The following SCFD2 variants were observed in gnomAD, a reference collection of about 807,000 sequenced individuals.
SCFD2 encodes sec1 family domain-containing protein 2.
In SCFD2, 54 loss-of-function variants were observed where a neutral mutation model predicts 58.9. The ratio of observed to expected loss-of-function variants is 0.92; its 90% CI spans 0.74 to 1.15. The LOEUF (loss-of-function observed/expected upper bound fraction) is 1.15. Among genes scored for constraint, SCFD2 ranks in the 50% most tolerant of loss-of-function variants. The pLI, the probability that SCFD2 is intolerant of heterozygous loss-of-function variation, is 0.00. For missense variants in SCFD2, 805 were observed against 836.6 expected, an observed-to-expected ratio of 0.96 and a Z score of 0.47; for synonymous variants, 321 against 335.9, an observed-to-expected ratio of 0.96 and a Z score of 0.49.
chr4:53,299,860 G>A (rs1414885461), intron 3 of SCFD2, among the ~76,000 whole-genome samples: 2 of 152,114 alleles, frequency 1.3e-5, no homozygotes, highest in East Asian at 1.9e-4. Flanking sequence ...CTTCATAAGT[G>A]AACGAGAAAT....
chr4:52,935,579 A>G (rs1720115888), intron 5 of SCFD2, among the ~76,000 whole-genome samples: 1 of 152,208 alleles, frequency 6.6e-6, no homozygotes, highest in Admixed American at 6.5e-5. Context: ...CCCCTACGGT[A>G]TGTAAACCCT....
At chr4:53,237,477 C>T (rs1315380321) in intron 4 of SCFD2, among the ~76,000 whole-genome samples, 1 of 69,880 alleles carries the variant, frequency 1.4e-5, no homozygotes, top group Non-Finnish European at 2.7e-5. Flanking sequence ...GGGGCTGACC[C>T]CCCCACCTCC....
intron 3 of SCFD2, among the ~76,000 whole-genome samples, chr4:53,298,873 C>A (rs1374275895): frequency 1.3e-5 from 2 of 152,196 alleles, no homozygotes; most frequent in African/African-American, 2.4e-5. Context: ...CACAGACCTG[C>A]AGCTGAGGGT....
At chr4:53,305,967 G>C (rs561285692) in intron 3 of SCFD2, among the ~76,000 whole-genome samples, 1 of 152,102 alleles carries the variant, frequency 6.6e-6, no homozygotes, top group African/African-American at 2.4e-5. Context: ...TATTAATTCC[G>C]TAAACATTTC....
At chr4:53,252,600 T>C (rs1730433246) in intron 4 of SCFD2, among the ~76,000 whole-genome samples, 1 of 151,682 alleles carries the variant, frequency 6.6e-6, no homozygotes. Flanking sequence ...AACTGTCTGA[T>C]CTTTGACAAT....
intron 5 of SCFD2, among the ~76,000 whole-genome samples, chr4:53,141,833 G>T (rs1726175196): frequency 6.6e-6 from 1 of 152,070 alleles, no homozygotes; most frequent in South Asian, 2.1e-4. Context: ...GGCAGCAAAA[G>T]AAAAGTCTGT....
At chr4:53,326,112 C>T (rs1733187847) in intron 2 of SCFD2, among the ~76,000 whole-genome samples, 1 of 151,906 alleles carries the variant, frequency 6.6e-6, no homozygotes, top group African/African-American at 2.4e-5. Context: ...ATTTCAACAC[C>T]AATTCATTAT....
intron 5 of SCFD2, among the ~76,000 whole-genome samples, chr4:52,996,424 T>C (rs1721742913): frequency 6.6e-6 from 1 of 152,250 alleles, no homozygotes; most frequent in Non-Finnish European, 1.5e-5. Flanking sequence ...TTGGTGTTAT[T>C]TTCCCTTTTT....
At chr4:53,028,728 T>G (rs900123750) in intron 5 of SCFD2, among the ~76,000 whole-genome samples, 5 of 152,126 alleles carry the variant, frequency 3.3e-5, no homozygotes, top group Non-Finnish European at 7.4e-5. Context: ...TTTTCCCTGG[T>G]CAAGTATTTT....
In SCFD2 at chr4:53,366,036, C is replaced by A. The variant is rs763648752; in HGVS notation, c.-95G>T. On this transcript the variant is annotated 5_prime_UTR_variant, in exon 1 of 9. Coordinates refer to ENST00000401642, the MANE Select transcript of SCFD2 (RefSeq NM_152540.4). ...TTGGGCTCCGGGAGACTTTGACAGT[C>A]TCCACAGTACACGTGGTCGGCCTCT... 96 of 1,411,044 alleles carry A rather than the reference C, an allele frequency of 6.8e-5. No homozygotes were observed. The highest frequency in any genetic ancestry group is 8.9e-5 in the Non-Finnish European group (94 of 1,054,106). 87.4% of individuals were successfully genotyped at this position (1,411,044 alleles called of 1,614,324 possible).
intron 5 of SCFD2, among the ~76,000 whole-genome samples, chr4:52,995,002 T>G (rs1721710171): frequency 6.6e-6 from 1 of 152,162 alleles, no homozygotes. Context: ...GGATCAGTTT[T>G]GTGGAAGACA....
intron 4 of SCFD2, among the ~76,000 whole-genome samples, chr4:53,170,046 C>T (rs938719840): frequency 9.2e-5 from 14 of 152,084 alleles, no homozygotes; most frequent in East Asian, 1.9e-4. Context: ...TGATGTAATC[C>T]TATTTATCTA....
Position 53,365,293 on chromosome 4 carries a change from T to C in SCFD2, c.649A>G (p.Arg217Gly), listed in dbSNP as rs1359621202. 1.2e-6 allele frequency: 2 copies of C among 1,614,122 alleles called. No individual in the cohort carries two copies. The highest frequency in any genetic ancestry group is 2.7e-5 in the African/African-American group (2 of 74,942). ...GAACTGAGGCCTGACACTAGGCATC[T>C]GATCTGCAGCAGCAGCTCTGGGGTT... ...TLTPELLLQI[R>G]CLVSGLSSLC... Residue 217 changes from arginine to glycine, a missense_variant, in exon 1 of 9, where the codon AGA (arginine) becomes GGA (glycine). Arg to Gly is a moderately radical substitution (Grantham distance 125). Around this residue, in one of 3 missense-constraint regions of SCFD2, gnomAD observed 633 missense variants for 646.8 expected, o/e 0.98. Coordinates refer to ENST00000401642, the MANE Select transcript of SCFD2 (RefSeq NM_152540.4). The surrounding 1 kb of genome is among the most constrained non-coding windows in gnomAD (Gnocchi z 4.3).
At chr4:53,209,807 T>C (rs1271346259) in intron 4 of SCFD2, among the ~76,000 whole-genome samples, 1 of 151,810 alleles carries the variant, frequency 6.6e-6, no homozygotes, top group African/African-American at 2.4e-5. Context: ...TAGTAGATGA[T>C]GCATTTTGAG....
At chr4:53,042,508 T>C (rs1013695632) in intron 5 of SCFD2, among the ~76,000 whole-genome samples, 3 of 152,154 alleles carry the variant, frequency 2.0e-5, no homozygotes, top group African/African-American at 7.2e-5. Flanking sequence ...AAAGGAAATA[T>C]GTACTGGACT....
At chr4:53,019,852 T>C (rs1223450720) in intron 5 of SCFD2, among the ~76,000 whole-genome samples, 2 of 152,188 alleles carry the variant, frequency 1.3e-5, no homozygotes, top group South Asian at 2.1e-4. Context: ...TCCCAAGCAA[T>C]GCTAATTATT....
At chr4:53,030,949 T>C (rs1289914033) in intron 5 of SCFD2, among the ~76,000 whole-genome samples, 4 of 152,230 alleles carry the variant, frequency 2.6e-5, no homozygotes, top group Non-Finnish European at 5.9e-5. Flanking sequence ...TTCTTTTCTA[T>C]AAAAATAATT....
intron 4 of SCFD2, among the ~76,000 whole-genome samples, chr4:53,193,443 G>A (rs1560378591): frequency 1.3e-5 from 2 of 152,142 alleles, no homozygotes. Flanking sequence ...GAGGCATCGT[G>A]TCACTACATC....
At chr4:53,078,812 A>C (rs77442202) in intron 5 of SCFD2, among the ~76,000 whole-genome samples, 1,843 of 152,266 alleles carry the variant, frequency 0.012, 37 homozygotes, top group African/African-American at 0.042. Flanking sequence ...AAAAAAATCT[A>C]TTAAATGGTT....
Sources: allele counts gnomAD v4.1 joint callset (sites outside exome capture counted in the v4.1 genomes callset), GRCh38; gene constraint gnomAD v4.1.1; regional missense constraint gnomAD v4.1.1; non-coding constraint Gnocchi (gnomAD v3.1); transcripts MANE v1.5; gene names NCBI Gene and HGNC (gene_info 2026-07-23, HGNC 2026-07-21).